Variants in DCBLD2 observed in about 807,000 individuals in gnomAD.
DCBLD2 encodes discoidin, CUB and LCCL domain containing 2.
In DCBLD2, 54 loss-of-function variants were observed where a neutral mutation model predicts 86.8. The ratio of observed to expected loss-of-function variants is 0.62; its 90% CI spans 0.50 to 0.78. The LOEUF is 0.78. DCBLD2 is among the 30% of genes least tolerant of loss of function. The probability of loss-of-function intolerance (pLI) is 0.00; values close to 1 mark genes in which losing one functional copy is unlikely to be tolerated. For missense variants in DCBLD2, 908 were observed against 954.2 expected, an observed-to-expected ratio of 0.95 and a Z score of 0.64; for synonymous variants, 354 against 341.3, an observed-to-expected ratio of 1.04 and a Z score of -0.41.
intron 3 of DCBLD2, among the ~76,000 whole-genome samples, chr3:98,838,890 G>C (rs1003057803): frequency 1.3e-5 from 2 of 151,922 alleles, no homozygotes; most frequent in Non-Finnish European, 2.9e-5. Flanking sequence ...ACCAAAACCA[G>C]TCAGGCGTGG....
intron 1 of DCBLD2, among the ~76,000 whole-genome samples, chr3:98,888,541 T>TAAACGACATACCATACGA (rs1288650562): frequency 6.6e-6 from 1 of 152,026 alleles, no homozygotes; most frequent in Non-Finnish European, 1.5e-5. Context: ...GGTTAAGATT[T>TAAACGACATACCATACGA]AAACGACATA....
In DCBLD2 at chr3:98,812,541, C is replaced by T. The variant is rs2107436966; in HGVS notation, c.1213-59G>A. 6.0e-6 allele frequency: 9 copies of T among 1,489,010 alleles called. No homozygotes were observed. In the South Asian group the frequency reaches 9.7e-5, roughly 16 times the overall value. The allele number at this position is 1,489,010 out of a possible 1,614,324, so 92.2% of individuals were successfully genotyped here. ...ATCAATAGAGGTCAGGGCTAAATTT[C>T]TCCACTTAAACATGTTTTTGTTCTT... is the stretch of plus-strand genomic sequence containing the variant. On this transcript the variant is annotated intron_variant, in intron 9 of 15. Coordinates refer to ENST00000326840, the MANE Select transcript of DCBLD2 (RefSeq NM_080927.4).
Position 98,797,565 on chromosome 3 carries a change from A to C in DCBLD2, c.*1807T>G, listed in dbSNP as rs1941634023. 6.6e-6 allele frequency: 1 copy of C among 152,432 alleles called. No homozygotes were observed. Among genetic ancestry groups the C allele is most frequent in the Non-Finnish European group, 1.5e-5 (1 of 68,032 alleles). The allele number at this position is 152,432 out of a possible 1,614,324, so 9.4% of individuals were successfully genotyped here. A position where few individuals can be genotyped will look rare whatever the true frequency, so the allele number is the denominator to read the frequency against. On this transcript the variant is annotated 3_prime_UTR_variant, in exon 16 of 16. Transcript: ENST00000326840. ...TCCATATATGTTTTAATAAAAGTCT[A>C]CCATCTATGTCTTTTGTTTCAAACA...
At chr3:98,850,886 C>T (rs1401325109) in intron 2 of DCBLD2, among the ~76,000 whole-genome samples, 1 of 152,082 alleles carries the variant, frequency 6.6e-6, no homozygotes, top group Non-Finnish European at 1.5e-5. Flanking sequence ...ATAATAGCAT[C>T]AAAAAAGTTA....
chr3:98,830,032 A>G (rs1319425569), intron 3 of DCBLD2, among the ~76,000 whole-genome samples: 2 of 152,114 alleles, frequency 1.3e-5, no homozygotes, highest in African/African-American at 2.4e-5. Flanking sequence ...TTGGCCACAT[A>G]TGTGTCTTCT....
intron 3 of DCBLD2, among the ~76,000 whole-genome samples, chr3:98,832,172 C>A (rs142592287): frequency 6.6e-6 from 1 of 152,148 alleles, no homozygotes; most frequent in African/African-American, 2.4e-5. Context: ...TCTTGTTGAA[C>A]TGAATGCTTT....
intron 3 of DCBLD2, among the ~76,000 whole-genome samples, chr3:98,825,647 A>ATATATG (rs2107453071): frequency 6.0e-5 from 1 of 16,800 alleles, no homozygotes; most frequent in South Asian, 1.6e-3. Context: ...GTGTATTTAT[A>ATATATG]TATATATATA....
At chr3:98,847,580 A>G (rs932667400) in intron 3 of DCBLD2, among the ~76,000 whole-genome samples, 3 of 152,198 alleles carry the variant, frequency 2.0e-5, no homozygotes, top group Non-Finnish European at 2.9e-5. Flanking sequence ...GAAACTTTCA[A>G]TAAGACATAT....
At position 98,798,156 on chromosome 3, in the gene DCBLD2, C is replaced by G. The variant is rs1294815740; in HGVS notation, c.*1216G>C. On this transcript the variant is annotated 3_prime_UTR_variant, in exon 16 of 16. Transcript: ENST00000326840. ...TGCTAGTAAGCTATAATGTCTGTTC[C>G]CTAGGTGACATATAGGACTACTCAA... The G allele has an allele frequency of 6.6e-6, 1 of 152,094 alleles. No homozygotes were observed. Among genetic ancestry groups the G allele is most frequent in the Non-Finnish European group, 1.5e-5 (1 of 68,030 alleles). 9.4% of individuals were successfully genotyped at this position (152,094 alleles called of 1,614,324 possible).
intron 12 of DCBLD2, among the ~76,000 whole-genome samples, chr3:98,808,471 A>C (rs1472828932): frequency 1.3e-5 from 2 of 152,224 alleles, no homozygotes; most frequent in Admixed American, 1.3e-4. Flanking sequence ...TATTTTCTAC[A>C]TATGAGAAGA....
chr3:98,808,060 G>A (rs769152177), intron 13 of DCBLD2, 21 bp downstream of exon 13: 13 of 1,515,912 alleles, frequency 8.6e-6, no homozygotes, highest in Non-Finnish European at 1.1e-5. Flanking sequence ...TTGGACTCAG[G>A]TGAACTAGTT....
chr3:98,832,441 G>A (rs1212695254), intron 3 of DCBLD2, among the ~76,000 whole-genome samples: 4 of 152,140 alleles, frequency 2.6e-5, no homozygotes, highest in Non-Finnish European at 4.4e-5. Flanking sequence ...TTACATTCAA[G>A]GGTAGTATTG....
At chr3:98,865,384 A>G (rs1943124605) in intron 2 of DCBLD2, among the ~76,000 whole-genome samples, 1 of 152,316 alleles carries the variant, frequency 6.6e-6, no homozygotes, top group East Asian at 1.9e-4. Context: ...CAAATACTAC[A>G]TGATCCCACT....
At chr3:98,807,405 G>A (rs1941860781) in intron 13 of DCBLD2, among the ~76,000 whole-genome samples, 1 of 152,168 alleles carries the variant, frequency 6.6e-6, no homozygotes, top group African/African-American at 2.4e-5. Context: ...TTACAGGAAA[G>A]GCCTGAGAGA....
chr3:98,837,977 T>A (rs1576172914), intron 3 of DCBLD2, among the ~76,000 whole-genome samples: 1 of 46,896 alleles, frequency 2.1e-5, no homozygotes, highest in African/African-American at 9.2e-5. Context: ...GGCTCCTCAC[T>A]TCCCAGTAGG....
chr3:98,863,273 A>T (rs1943080613), intron 2 of DCBLD2, among the ~76,000 whole-genome samples: 1 of 152,256 alleles, frequency 6.6e-6, no homozygotes, highest in Admixed American at 6.5e-5. Flanking sequence ...AATATCATGA[A>T]AATGGCCATA....
chr3:98,882,168 C>T (rs371204389), intron 1 of DCBLD2, among the ~76,000 whole-genome samples: 9 of 152,166 alleles, frequency 5.9e-5, no homozygotes, highest in African/African-American at 2.2e-4. Context: ...CAAGAGAAGA[C>T]AAGTTAGGTC....
intron 13 of DCBLD2, among the ~76,000 whole-genome samples, chr3:98,805,743 T>A (rs1340033905): frequency 6.6e-6 from 1 of 151,974 alleles, no homozygotes; most frequent in African/African-American, 2.4e-5. Context: ...GCCTCAGGAG[T>A]CTGGATGTCC....
At chr3:98,823,572 A>G (rs942509636) in intron 4 of DCBLD2, among the ~76,000 whole-genome samples, 2 of 152,204 alleles carry the variant, frequency 1.3e-5, no homozygotes, top group Non-Finnish European at 2.9e-5. Context: ...GTCCTCACTG[A>G]GTTTATATTC....
Sources: allele counts gnomAD v4.1 joint callset (sites outside exome capture counted in the v4.1 genomes callset), GRCh38; gene constraint gnomAD v4.1.1; transcripts MANE v1.5; gene names NCBI Gene and HGNC (gene_info 2026-07-23, HGNC 2026-07-21).